SPAG16: variants seen among roughly 807,000 people sequenced by gnomAD.
SPAG16 encodes sperm associated antigen 16, also known as sperm-associated antigen 16 protein.
SPAG16 carries 86 observed loss-of-function variants against 80.4 expected under a neutral mutation model. The ratio of observed to expected loss-of-function variants is 1.07; its 90% CI spans 0.90 to 1.28. SPAG16 has a LOEUF of 1.28. Ranked by LOEUF, SPAG16 falls within the 50% of genes most tolerant of loss-of-function variation. The pLI is 0.00. For synonymous variants in SPAG16, 294 were observed against 265.9 expected (o/e 1.11, Z -1.03); for missense variants, 870 against 765.3 (o/e 1.14, Z -1.61).
At position 213,579,242 on chromosome 2, in the gene SPAG16, C is replaced by T. The variant is rs2060223579; in HGVS notation, c.1070+89152C>T. ...AGGGATTCTTTGGTATTAAGAGAAA[C>T]TCTGGATCTGAGCAGGGCTGATGTG... On this transcript the variant is annotated intron_variant, in intron 10 of 15. Coordinates refer to ENST00000331683, the MANE Select transcript of SPAG16 (RefSeq NM_024532.5). Among the ~76,000 whole-genome samples the T allele has an allele frequency of 2.0e-5, 3 of 152,106 alleles. No individual in the cohort carries two copies. The South Asian group carries it at 6.2e-4, about 32-fold the overall frequency.
chr2:213,698,373 C>A (rs1003954641), intron 10 of SPAG16, among the ~76,000 whole-genome samples: 2 of 152,088 alleles, frequency 1.3e-5, no homozygotes, highest in Admixed American at 1.3e-4. Flanking sequence ...GTAATCCTCA[C>A]ACCTCAGCCT....
chr2:213,676,763 T>C (rs564953069), intron 10 of SPAG16, among the ~76,000 whole-genome samples: 7,019 of 150,418 alleles, frequency 0.047, 542 homozygotes, highest in African/African-American at 0.16. Flanking sequence ...AGCTTTTTGA[T>C]GTGCTGCTGG....
intron 10 of SPAG16, among the ~76,000 whole-genome samples, chr2:213,738,597 C>G (rs1462953371): frequency 6.6e-6 from 1 of 152,160 alleles, no homozygotes; most frequent in African/African-American, 2.4e-5. Context: ...TATATCAATA[C>G]AGAGGTGCCA....
At chr2:213,838,656 T>C (rs2074222122) in intron 10 of SPAG16, among the ~76,000 whole-genome samples, 1 of 152,230 alleles carries the variant, frequency 6.6e-6, no homozygotes, top group Non-Finnish European at 1.5e-5. Flanking sequence ...AATGTTCCGA[T>C]GAGGTGATCA....
At chr2:214,194,008 T>C (rs953342502) in intron 15 of SPAG16, among the ~76,000 whole-genome samples, 1 of 152,078 alleles carries the variant, frequency 6.6e-6, no homozygotes, top group African/African-American at 2.4e-5. Flanking sequence ...TTTAGAGATG[T>C]TTAAAGAGAA....
At chr2:214,223,362 C>T (rs2058627886) in intron 15 of SPAG16, among the ~76,000 whole-genome samples, 1 of 151,886 alleles carries the variant, frequency 6.6e-6, no homozygotes, top group African/African-American at 2.4e-5. Flanking sequence ...GAGCACTCTG[C>T]AATATTTTAC....
intron 14 of SPAG16, among the ~76,000 whole-genome samples, chr2:214,134,367 T>C (rs1300552159): frequency 6.6e-6 from 1 of 152,238 alleles, no homozygotes; most frequent in Non-Finnish European, 1.5e-5. Flanking sequence ...TTCCTAGTCT[T>C]GACAGGCTAT....
rs1047856634 is a variant in SPAG16 at position 214,211,561 on chromosome 2, G to A, written c.1720+62295G>A. ...ATCTTTTGGAAAAGACCTCTTGTAA[G>A]TAGTTTGGTAGAAGTGCTATGTCTC... is the stretch of plus-strand genomic sequence containing the variant. On this transcript the variant is annotated intron_variant, in intron 15 of 15. Coordinates refer to ENST00000331683, the MANE Select transcript of SPAG16 (RefSeq NM_024532.5). Among the ~76,000 whole-genome samples the A allele has an allele frequency of 3.9e-5, 6 of 152,282 alleles. No individual in the cohort carries two copies. The East Asian group carries it at 5.8e-4, about 15-fold the overall frequency.
At chr2:213,709,238 A>C (rs1207085727) in intron 10 of SPAG16, among the ~76,000 whole-genome samples, 1 of 152,176 alleles carries the variant, frequency 6.6e-6, no homozygotes, top group African/African-American at 2.4e-5. Context: ...TACATTTTAA[A>C]AAATGTCTTT....
At chr2:214,317,895 A>T (rs1695800794) in intron 15 of SPAG16, among the ~76,000 whole-genome samples, 1 of 152,238 alleles carries the variant, frequency 6.6e-6, no homozygotes, top group East Asian at 1.9e-4. Flanking sequence ...AAATGGAATT[A>T]CCACAATTTT....
chr2:213,594,249 C>T (rs945042516), intron 10 of SPAG16, among the ~76,000 whole-genome samples: 6 of 152,154 alleles, frequency 3.9e-5, no homozygotes, highest in Admixed American at 6.5e-5. Flanking sequence ...GCTTCCTCTT[C>T]AATCTAACCT....
At chr2:214,005,498 T>C (rs1367397940) in intron 12 of SPAG16, among the ~76,000 whole-genome samples, 1 of 152,194 alleles carries the variant, frequency 6.6e-6, no homozygotes, top group African/African-American at 2.4e-5. Flanking sequence ...GTTTAGGAGC[T>C]GTGGCCTGGC....
intron 13 of SPAG16, among the ~76,000 whole-genome samples, chr2:214,064,840 T>C (rs1404076241): frequency 1.3e-5 from 2 of 152,022 alleles, no homozygotes; most frequent in East Asian, 3.9e-4. Context: ...TAACTATAGA[T>C]TGAATTAAAA....
At chr2:213,432,327 A>G (rs2070354208) in intron 9 of SPAG16, among the ~76,000 whole-genome samples, 1 of 152,130 alleles carries the variant, frequency 6.6e-6, no homozygotes, top group Non-Finnish European at 1.5e-5. Flanking sequence ...GATAAACAAA[A>G]TTGATAAACC....
chr2:213,686,743 G>GT (rs1441226709), intron 10 of SPAG16, among the ~76,000 whole-genome samples: 2 of 123,250 alleles, frequency 1.6e-5, no homozygotes, highest in Non-Finnish European at 3.2e-5. Flanking sequence ...CTGGAGTGTA[G>GT]TGGTGCCGTC....
At chr2:214,212,174 T>C (rs1394955816) in intron 15 of SPAG16, among the ~76,000 whole-genome samples, 1 of 152,182 alleles carries the variant, frequency 6.6e-6, no homozygotes, top group Non-Finnish European at 1.5e-5. Flanking sequence ...TACCCCTCTC[T>C]AAATTCCTCC....
chr2:213,674,835 C>T (rs1202369671), intron 10 of SPAG16, among the ~76,000 whole-genome samples: 8 of 150,016 alleles, frequency 5.3e-5, no homozygotes, highest in Non-Finnish European at 1.2e-4. Flanking sequence ...AATAGTGCCG[C>T]GATAAACATA....
chr2:213,599,034 A>G (rs1261791022), intron 10 of SPAG16, among the ~76,000 whole-genome samples: 2 of 152,210 alleles, frequency 1.3e-5, no homozygotes, highest in Non-Finnish European at 2.9e-5. Flanking sequence ...GTCATTCTTT[A>G]TATTATTAAA....
chr2:213,350,282 G>A (rs908129930), intron 6 of SPAG16, among the ~76,000 whole-genome samples: 2 of 152,158 alleles, frequency 1.3e-5, no homozygotes, highest in Admixed American at 6.5e-5. Flanking sequence ...CACAGCAAAA[G>A]GTGCTAGTAG....
Sources: allele counts gnomAD v4.1 joint callset (sites outside exome capture counted in the v4.1 genomes callset), GRCh38; gene constraint gnomAD v4.1.1; transcripts MANE v1.5; gene names NCBI Gene and HGNC (gene_info 2026-07-23, HGNC 2026-07-21).